The following PTPRG variants were observed in gnomAD, a reference collection of about 807,000 sequenced individuals.
PTPRG encodes protein tyrosine phosphatase receptor type G.
A neutral mutation model predicts 165.3 loss-of-function variants in PTPRG; 102 were observed. The observed-to-expected ratio is 0.62, with a 90% confidence interval of 0.53 to 0.73. The LOEUF is 0.73. Among genes scored for constraint, PTPRG ranks in the 30% least tolerant of loss-of-function variants. The probability of loss-of-function intolerance (pLI) is 0.00; values close to 1 mark genes in which losing one functional copy is unlikely to be tolerated. For missense variants in PTPRG, 1,866 were observed against 1,861.4 expected (o/e 1.00, Z -0.05); for synonymous variants, 675 against 669.5 (o/e 1.01, Z -0.13).
chr3:61,794,413 A>G (rs1046019950), intron 2 of PTPRG, among the ~76,000 whole-genome samples: 1 of 152,158 alleles, frequency 6.6e-6, no homozygotes, highest in African/African-American at 2.4e-5. Flanking sequence ...TTCTGACACA[A>G]TAGGTCAGGC....
intron 28 of PTPRG, among the ~76,000 whole-genome samples, chr3:62,291,890 G>C (rs1049906680): frequency 6.6e-6 from 1 of 152,106 alleles, no homozygotes; most frequent in Non-Finnish European, 1.5e-5. Flanking sequence ...CTCTCATTAG[G>C]AAAGTTCCAC....
intron 5 of PTPRG, among the ~76,000 whole-genome samples, chr3:62,095,411 G>A (rs945202849): frequency 8.5e-5 from 13 of 152,208 alleles, no homozygotes; most frequent in African/African-American, 3.1e-4. Flanking sequence ...TACACCAGTA[G>A]AGGAGATCAC....
rs1450243288 is a variant in PTPRG, at chr3:61,996,064, TC to T, written c.370+6262del. The stretch of plus-strand genomic sequence containing the variant: ...GCATTGGCCCCCTTCTCTCCCTTCT[TC>T]CTGTCTTCTTTCCTTAGAGCTGGCC... On this transcript the variant is annotated intron_variant, in intron 3 of 29. Coordinates refer to ENST00000474889, the MANE Select transcript of PTPRG (RefSeq NM_002841.4). Among the ~76,000 whole-genome samples the T allele has an allele frequency of 7.2e-5, 11 of 152,274 alleles. No individual in the cohort carries two copies. The South Asian group carries it at 2.1e-3, about 29-fold the overall frequency.
At position 62,271,561 on chromosome 3, in the gene PTPRG, G is replaced by A. The variant is rs762436374; in HGVS notation, c.3182+6G>A. 5.6e-6 allele frequency: 9 copies of A among 1,610,128 alleles called. No individual in the cohort carries two copies. Among genetic ancestry groups the A allele is most frequent in the South Asian group, 1.1e-5 (1 of 90,424 alleles). On this transcript the variant is annotated splice_donor_region_variant and intron_variant, in intron 21 of 29. Transcript: ENST00000474889. This position sits in a 1 kb window ranked among gnomAD's most constrained non-coding sequence, Gnocchi z 4.1. The stretch of plus-strand genomic sequence containing the variant: ...CCTGTGTTGGTGCACTGCAGGTAGG[G>A]TCTAGGATTCAACATGTGAAATAGA...
At chr3:61,604,326 AAAAAT>A (rs1700943247) in intron 1 of PTPRG, among the ~76,000 whole-genome samples, 1 of 152,206 alleles carries the variant, frequency 6.6e-6, no homozygotes, top group Non-Finnish European at 1.5e-5. Context: ...TCCGTCTCAA[AAAAAT>A]AAAATAAAAA....
At chr3:61,910,686 ATTTC>A in intron 2 of PTPRG, among the ~76,000 whole-genome samples, 1 of 152,150 alleles carries the variant, frequency 6.6e-6, no homozygotes, top group South Asian at 2.1e-4. Context: ...TCCTCCTAGA[ATTTC>A]TTTTTGTCTT....
chr3:61,718,843 T>G (rs1161429340), intron 1 of PTPRG, among the ~76,000 whole-genome samples: 3 of 152,180 alleles, frequency 2.0e-5, no homozygotes, highest in African/African-American at 7.2e-5. Flanking sequence ...AGCATGAAGT[T>G]CAATGCTATT....
chr3:61,881,317 A>T (rs1272454174), intron 2 of PTPRG, among the ~76,000 whole-genome samples: 1 of 152,196 alleles, frequency 6.6e-6, no homozygotes, highest in East Asian at 1.9e-4. Flanking sequence ...CTTGGGGAGA[A>T]ATGTATTAGA....
intron 1 of PTPRG, among the ~76,000 whole-genome samples, chr3:61,629,128 T>C (rs938774305): frequency 9.2e-5 from 14 of 152,174 alleles, no homozygotes; most frequent in Middle Eastern, 3.2e-3. Flanking sequence ...TCGGGGCACC[T>C]GCATGAACTT....
At chr3:61,800,431 C>T (rs1380886894) in intron 2 of PTPRG, among the ~76,000 whole-genome samples, 2 of 151,542 alleles carry the variant, frequency 1.3e-5, no homozygotes, top group Non-Finnish European at 2.9e-5. Flanking sequence ...GGAGAGTTTC[C>T]CAAGGAGGCT....
At chr3:61,649,330 A>G (rs978382224) in intron 1 of PTPRG, among the ~76,000 whole-genome samples, 1 of 152,130 alleles carries the variant, frequency 6.6e-6, no homozygotes, top group Non-Finnish European at 1.5e-5. Flanking sequence ...TTGGTAATTT[A>G]TAAACAATAT....
chr3:61,874,479 T>C (rs1284977992), intron 2 of PTPRG, among the ~76,000 whole-genome samples: 2 of 152,124 alleles, frequency 1.3e-5, no homozygotes, highest in African/African-American at 4.8e-5. Context: ...TGTCTTTCTT[T>C]TCACTTAAAT....
intron 4 of PTPRG, among the ~76,000 whole-genome samples, chr3:62,054,292 G>T (rs982130727): frequency 6.6e-6 from 1 of 152,142 alleles, no homozygotes; most frequent in African/African-American, 2.4e-5. Context: ...AATATACAAG[G>T]TATTCATTAT....
rs746078676 is a variant in PTPRG at position 62,195,388 on chromosome 3, G to T, written c.1327+218G>T. Among the ~76,000 whole-genome samples the T allele has an allele frequency of 2.0e-5, 3 of 152,132 alleles. No homozygotes were observed. Among genetic ancestry groups the T allele is most frequent in the Non-Finnish European group, 4.4e-5 (3 of 68,022 alleles). On this transcript the variant is annotated intron_variant, in intron 10 of 29. Transcript: ENST00000474889. This position sits in a 1 kb window ranked among gnomAD's most constrained non-coding sequence, Gnocchi z 4.4. ...AGGGGAGAAAAAACAAAACATTTTT[G>T]ATTGTTTTATTGTTATTTTCCAACT...
chr3:61,818,802 T>A (rs2035867235), intron 2 of PTPRG, among the ~76,000 whole-genome samples: 2 of 150,568 alleles, frequency 1.3e-5, no homozygotes, highest in African/African-American at 4.9e-5. Context: ...CAAGAAAAAG[T>A]CATTGAAATA....
Position 61,890,412 on chromosome 3 carries a change from G to GTTTTTTTTTTTTTTTTTTTTTT in PTPRG, c.191-99203_191-99202insTTTTTTTTTTTTTTTTTTTTTT, listed in dbSNP as rs1388100597. ...GTTTTGGGCGGGTTTCTTGTTCTTT[G>GTTTTTTTTTTTTTTTTTTTTTT]TTTTTTTTTTGTTTTTTTTTTTTTT... On this transcript the variant is annotated intron_variant, in intron 2 of 29. Coordinates refer to ENST00000474889, the MANE Select transcript of PTPRG (RefSeq NM_002841.4). 2.7e-4 allele frequency among the ~76,000 whole-genome samples: 26 copies of GTTTTTTTTTTTTTTTTTTTTTT among 95,396 alleles called. 1 individual carries two copies. Among genetic ancestry groups the GTTTTTTTTTTTTTTTTTTTTTT allele is most frequent in the Middle Eastern group, 6.2e-3 (1 of 162 alleles). The allele number at this position is 95,396 out of a possible 152,430, so 62.6% of individuals were successfully genotyped here.
chr3:62,099,653 A>C (rs1576001781), intron 5 of PTPRG, among the ~76,000 whole-genome samples: 1 of 152,102 alleles, frequency 6.6e-6, no homozygotes. Flanking sequence ...TTATTGATAA[A>C]ATGTTAATAC....
At chr3:61,964,088 T>G (rs1306335579) in intron 2 of PTPRG, among the ~76,000 whole-genome samples, 1 of 152,214 alleles carries the variant, frequency 6.6e-6, no homozygotes, top group Admixed American at 6.5e-5. Flanking sequence ...AAACAAACTT[T>G]TATCAGTGTA....
chr3:62,271,902 C>A lies in PTPRG; in HGVS notation c.3182+347C>A, dbSNP rs1476796969. On this transcript the variant is annotated intron_variant, in intron 21 of 29. Coordinates refer to ENST00000474889, the MANE Select transcript of PTPRG (RefSeq NM_002841.4). The surrounding 1 kb of genome is among the most constrained non-coding windows in gnomAD (Gnocchi z 4.1). The stretch of plus-strand genomic sequence containing the variant: ...CCCAGGAGTTTGAGACCAGCCTGGG[C>A]AACAAAGTGACACCCCATTTCTACA... Among the ~76,000 whole-genome samples, 1 of 151,934 alleles carries A rather than the reference C, an allele frequency of 6.6e-6. No individual in the cohort carries two copies. Among genetic ancestry groups the A allele is most frequent in the Non-Finnish European group, 1.5e-5 (1 of 67,960 alleles).
Sources: gnomAD v4.1 joint callset for allele counts (sites outside exome capture counted in the v4.1 genomes callset) on GRCh38, gnomAD v4.1.1 for gene constraint, Gnocchi (gnomAD v3.1) non-coding constraint, MANE v1.5 for transcripts, NCBI Gene and HGNC (gene_info 2026-07-23, HGNC 2026-07-21) for gene names.